IL1RAPL2: variants seen among roughly 807,000 people sequenced by gnomAD.
The protein encoded by IL1RAPL2 is interleukin 1 receptor accessory protein like 2, also known as X-linked interleukin-1 receptor accessory protein-like 2.
Under a neutral mutation model 44.1 loss-of-function variants are expected in IL1RAPL2, and 3 were observed. That is an observed-to-expected ratio of 0.07 (90% confidence interval 0.03 to 0.18). The LOEUF is 0.18. IL1RAPL2 is among the 10% of genes least tolerant of loss of function. The pLI, the probability that IL1RAPL2 is intolerant of heterozygous loss-of-function variation, is 1.00. For synonymous variants in IL1RAPL2, 181 were observed against 178.8 expected, an observed-to-expected ratio of 1.01 and a Z score of -0.10; for missense variants, 391 against 496.4, an observed-to-expected ratio of 0.79 and a Z score of 2.02.
intron 2 of IL1RAPL2, among the ~76,000 whole-genome samples, chrX:105,137,850 GAGCCCAGGAGTTCTAGACC>G (rs2033090538): frequency 8.9e-6 from 1 of 111,757 alleles, no homozygotes; most frequent in South Asian, 3.7e-4. Flanking sequence ...AGGATTGCTT[GAGCCCAGGAGTTCTAGACC>G]AGCCTGAGCA....
At chrX:104,891,925 G>A (rs762292232) in intron 2 of IL1RAPL2, among the ~76,000 whole-genome samples, 4 of 111,643 alleles carry the variant, frequency 3.6e-5, no homozygotes, top group African/African-American at 1.3e-4. Flanking sequence ...GATATTGGCT[G>A]TGGGTTTGTC....
chrX:105,270,534 T>C (rs2034438841), intron 5 of IL1RAPL2, among the ~76,000 whole-genome samples: 1 of 112,098 alleles, frequency 8.9e-6, no homozygotes, highest in Non-Finnish European at 1.9e-5. Context: ...TCAGAATTTG[T>C]TTATGATTAT....
At chrX:105,406,280 G>A (rs956876800) in intron 5 of IL1RAPL2, 22 of 1,050,019 alleles carry the variant, frequency 2.1e-5, no homozygotes, top group African/African-American at 1.9e-4. Flanking sequence ...TCATAGAGGC[G>A]CTTTCTTAAT....
intron 2 of IL1RAPL2, among the ~76,000 whole-genome samples, chrX:105,133,433 ATAAC>A (rs1169616200): frequency 2.7e-5 from 3 of 110,487 alleles, no homozygotes; most frequent in Non-Finnish European, 5.7e-5. Flanking sequence ...TTTTATATAA[ATAAC>A]TGCTTCAATT....
chrX:105,692,304 G>A lies in IL1RAPL2; in HGVS notation c.773-25063G>A, dbSNP rs757228320. Among the ~76,000 whole-genome samples, 73 of 111,843 alleles carry A rather than the reference G, an allele frequency of 6.5e-4. 1 individual carries two copies. The highest frequency in any genetic ancestry group is 2.3e-3 in the African/African-American group (70 of 30,799). ...ATCTCCATGTTACAGGCAAATAAACGAAGACACAGATAACTGAAATAATCT... is the reference window on the plus strand; with the variant it reads ...ATCTCCATGTTACAGGCAAATAAACAAAGACACAGATAACTGAAATAATCT... On this transcript the variant is annotated intron_variant, in intron 6 of 10. Transcript: ENST00000372582.
chrX:104,855,202 G>A (rs939297519), intron 2 of IL1RAPL2, among the ~76,000 whole-genome samples: 7 of 111,961 alleles, frequency 6.3e-5, no homozygotes, highest in Admixed American at 4.7e-4. Context: ...ACTCACAAAT[G>A]AAGGTTCTTA....
chrX:105,194,277 A>T (rs1556139204), intron 2 of IL1RAPL2, among the ~76,000 whole-genome samples: 1 of 112,187 alleles, frequency 8.9e-6, no homozygotes, highest in Non-Finnish European at 1.9e-5. Context: ...AGAGTTCTCA[A>T]CATCTAAAAA....
At chrX:104,660,993 A>G (rs1185177455) in intron 2 of IL1RAPL2, among the ~76,000 whole-genome samples, 1 of 110,434 alleles carries the variant, frequency 9.1e-6, no homozygotes, top group Non-Finnish European at 1.9e-5. Flanking sequence ...GAAGGTTATC[A>G]TTAATGCACA....
chrX:105,676,560 G>A (rs2037875223), intron 6 of IL1RAPL2, among the ~76,000 whole-genome samples: 1 of 111,429 alleles, frequency 9.0e-6, no homozygotes. Context: ...TAGGAAAAAG[G>A]TATTCTCTTG....
At chrX:104,929,840 C>A (rs1924855569) in intron 2 of IL1RAPL2, among the ~76,000 whole-genome samples, 3 of 111,891 alleles carry the variant, frequency 2.7e-5, no homozygotes, top group Admixed American at 1.9e-4. Flanking sequence ...CACAGTGGAA[C>A]CATATGCTTA....
intron 5 of IL1RAPL2, among the ~76,000 whole-genome samples, chrX:105,473,208 C>T (rs1024914967): frequency 9.0e-6 from 1 of 111,551 alleles, no homozygotes; most frequent in Non-Finnish European, 1.9e-5. Context: ...GTCTGAACCT[C>T]AGTTTCCTCA....
intron 2 of IL1RAPL2, among the ~76,000 whole-genome samples, chrX:105,165,783 C>G (rs1163269636): frequency 9.0e-6 from 1 of 111,536 alleles, no homozygotes; most frequent in East Asian, 2.8e-4. Flanking sequence ...GTTTCCTTTG[C>G]TTGGGATGTC....
intron 2 of IL1RAPL2, among the ~76,000 whole-genome samples, chrX:104,813,477 G>C (rs1205160656): frequency 9.0e-6 from 1 of 111,240 alleles, no homozygotes. Flanking sequence ...CATTGTACTA[G>C]AAAATCTTCA....
At chrX:104,712,524 C>A (rs1267074046) in intron 2 of IL1RAPL2, among the ~76,000 whole-genome samples, 3 of 110,461 alleles carry the variant, frequency 2.7e-5, no homozygotes, top group Non-Finnish European at 5.7e-5. Flanking sequence ...TATATATGTA[C>A]AATATATATA....
intron 2 of IL1RAPL2, among the ~76,000 whole-genome samples, chrX:104,984,024 G>A (rs2030515428): frequency 9.0e-6 from 1 of 110,678 alleles, no homozygotes; most frequent in Admixed American, 9.8e-5. Context: ...TGGAAGATAA[G>A]GATATAATAA....
chrX:104,851,200 AAAG>A (rs1235525075), intron 2 of IL1RAPL2, among the ~76,000 whole-genome samples: 1 of 111,725 alleles, frequency 9.0e-6, no homozygotes, highest in African/African-American at 3.3e-5. Context: ...ATAAGGTAAA[AAAG>A]AGCCAAATCA....
At chrX:104,840,799 C>G (rs765955554) in intron 2 of IL1RAPL2, among the ~76,000 whole-genome samples, 3 of 110,132 alleles carry the variant, frequency 2.7e-5, no homozygotes, top group African/African-American at 6.6e-5. Context: ...CTCAGCCTCC[C>G]GAGTAGCTGG....
intron 4 of IL1RAPL2, among the ~76,000 whole-genome samples, chrX:105,259,902 C>T (rs1198517253): frequency 8.9e-6 from 1 of 111,812 alleles, no homozygotes; most frequent in Non-Finnish European, 1.9e-5. Context: ...CTTAGGGCTG[C>T]TGTAGTATGC....
chrX:105,232,294 T>G (rs919590467), intron 3 of IL1RAPL2, among the ~76,000 whole-genome samples: 5 of 111,842 alleles, frequency 4.5e-5, no homozygotes, highest in African/African-American at 1.6e-4. Flanking sequence ...GTCGGGGATA[T>G]AAAATTTCAA....
Sources: gnomAD v4.1 joint callset for allele counts (sites outside exome capture counted in the v4.1 genomes callset) on GRCh38, gnomAD v4.1.1 for gene constraint, MANE v1.5 for transcripts, NCBI Gene and HGNC (gene_info 2026-07-23, HGNC 2026-07-21) for gene names.